The following PLEKHA7 variants were observed in gnomAD, a reference collection of about 807,000 sequenced individuals.
The protein encoded by PLEKHA7 is pleckstrin homology domain-containing family A member 7.
PLEKHA7 carries 104 observed loss-of-function variants against 170.0 expected under a neutral mutation model. The observed-to-expected ratio is 0.61, with a 90% CI of 0.52 to 0.72. The LOEUF is 0.72. Among genes scored for constraint, PLEKHA7 ranks in the 30% least tolerant of loss-of-function variants. The pLI is 0.00. For synonymous variants in PLEKHA7, 648 were observed against 660.8 expected (o/e 0.98, Z 0.30); for missense variants, 1,615 against 1,671.7 (o/e 0.97, Z 0.59).
intron 3 of PLEKHA7, among the ~76,000 whole-genome samples, chr11:16,876,519 G>A (rs977773025): frequency 6.6e-6 from 1 of 152,346 alleles, no homozygotes; most frequent in East Asian, 1.9e-4. Context: ...TGGCAGGGAA[G>A]GATGATTCCC....
intron 23 of PLEKHA7, chr11:16,786,622 G>A: frequency 1.0e-6 from 1 of 985,358 alleles, no homozygotes; most frequent in South Asian, 4.7e-5. Flanking sequence ...TGGGGCACAG[G>A]TCTAAGACTC....
chr11:16,900,849 TA>T (rs1264131672), intron 3 of PLEKHA7, among the ~76,000 whole-genome samples: 1 of 151,774 alleles, frequency 6.6e-6, no homozygotes, highest in African/African-American at 2.4e-5. Flanking sequence ...CATGATTTTT[TA>T]TTTTTTTTTT....
chr11:16,908,757 A>G (rs1858041616), intron 3 of PLEKHA7, among the ~76,000 whole-genome samples: 1 of 152,186 alleles, frequency 6.6e-6, no homozygotes, highest in African/African-American at 2.4e-5. Context: ...CAGCCTCCCG[A>G]AGTGCTGGGA....
intron 4 of PLEKHA7, among the ~76,000 whole-genome samples, chr11:16,862,633 A>G (rs142223419): frequency 6.6e-6 from 1 of 152,324 alleles, no homozygotes; most frequent in African/African-American, 2.4e-5. Flanking sequence ...AGAGCCAAAG[A>G]CAGAGCCAAA....
intron 3 of PLEKHA7, among the ~76,000 whole-genome samples, chr11:16,967,738 A>G (rs940652444): frequency 1.3e-5 from 2 of 152,158 alleles, no homozygotes; most frequent in African/African-American, 4.8e-5. Context: ...ACAGGCCAGG[A>G]GCCCAGAATG....
At chr11:16,823,275 G>A (rs1002065907) in intron 10 of PLEKHA7, among the ~76,000 whole-genome samples, 5 of 152,012 alleles carry the variant, frequency 3.3e-5, no homozygotes, top group African/African-American at 9.7e-5. Context: ...CAAAGTGCTG[G>A]GATTATAGGT....
chr11:16,840,304 T>C lies in PLEKHA7; in HGVS notation c.872+1243A>G, dbSNP rs577594096. ...GGCCGGGCGTGGTGGCTCATGCCTG[T>C]AATCCCGGCACTTTGGGAGACCAAG... On this transcript the variant is annotated intron_variant, in intron 9 of 26. Coordinates refer to ENST00000531066, the MANE Select transcript of PLEKHA7 (RefSeq NM_001329630.2). Among the ~76,000 whole-genome samples, 18 of 152,302 alleles carry C rather than the reference T, an allele frequency of 1.2e-4. No homozygotes were observed. The South Asian group carries it at 2.9e-3, about 25-fold the overall frequency.
At chr11:16,861,543 G>A (rs1853953436) in intron 4 of PLEKHA7, among the ~76,000 whole-genome samples, 1 of 152,010 alleles carries the variant, frequency 6.6e-6, no homozygotes, top group Non-Finnish European at 1.5e-5. Flanking sequence ...CACCTACTAG[G>A]GAGGCTGAGG....
At chr11:17,011,384 G>A (rs1865316282) in intron 3 of PLEKHA7, among the ~76,000 whole-genome samples, 1 of 152,010 alleles carries the variant, frequency 6.6e-6, no homozygotes, top group African/African-American at 2.4e-5. Flanking sequence ...CAAACATGCT[G>A]TACAATCTCC....
chr11:16,837,031 C>T (rs1357759626), intron 9 of PLEKHA7, among the ~76,000 whole-genome samples: 1 of 152,080 alleles, frequency 6.6e-6, no homozygotes, highest in Non-Finnish European at 1.5e-5. Context: ...ACCACGTTGG[C>T]CAGGCTGGTC....
Position 16,902,306 on chromosome 11 carries a change from G to A in PLEKHA7, c.222-31124C>T, listed in dbSNP as rs138815482. Among the ~76,000 whole-genome samples the A allele has an allele frequency of 3.0e-3, 452 of 152,276 alleles. 1 individual carries two copies. The highest frequency in any genetic ancestry group is 6.8e-3 in the Middle Eastern group (2 of 294). ...TATGAATCATGTAGCTATGAATTGCGTACAAGTTTTTGTGTAGGTGGACAT... is the reference window on the plus strand; with the variant it reads ...TATGAATCATGTAGCTATGAATTGCATACAAGTTTTTGTGTAGGTGGACAT... On this transcript the variant is annotated intron_variant, in intron 3 of 26. Transcript: ENST00000531066.
chr11:16,906,042 C>A (rs934810590), intron 3 of PLEKHA7, among the ~76,000 whole-genome samples: 1 of 152,156 alleles, frequency 6.6e-6, no homozygotes, highest in Non-Finnish European at 1.5e-5. Context: ...ACAGCCTAAC[C>A]AGCTGTCACA....
At position 16,789,937 on chromosome 11, in the gene PLEKHA7, C is replaced by T; in HGVS notation, c.3053-59G>A. The T allele has an allele frequency of 7.1e-7, 1 of 1,413,040 alleles. No homozygotes were observed. 87.5% of individuals were successfully genotyped at this position (1,413,040 alleles called of 1,614,324 possible). A position where few individuals can be genotyped will look rare whatever the true frequency, so the allele number is the denominator to read the frequency against. ...TGCTGGGGTGGATGGGTCCCTGCTT[C>T]TCCCTCATCACACATTCTTGCAGGA... On this transcript the variant is annotated intron_variant, in intron 21 of 26. Coordinates refer to ENST00000531066, the MANE Select transcript of PLEKHA7 (RefSeq NM_001329630.2). The surrounding 1 kb of genome is among the most constrained non-coding windows in gnomAD (Gnocchi z 4.6).
intron 3 of PLEKHA7, among the ~76,000 whole-genome samples, chr11:16,996,566 G>GTT (rs1325806082): frequency 1.3e-5 from 2 of 152,182 alleles, no homozygotes; most frequent in African/African-American, 4.8e-5. Flanking sequence ...TAACCTGCAG[G>GTT]AAGGAAGTCA....
chr11:16,797,674 A>T (rs1848327487), intron 17 of PLEKHA7, among the ~76,000 whole-genome samples: 1 of 152,202 alleles, frequency 6.6e-6, no homozygotes. Flanking sequence ...AAGCATGAGC[A>T]TCCTAAAACA....
At chr11:16,893,671 T>C (rs1304439154) in intron 3 of PLEKHA7, among the ~76,000 whole-genome samples, 1 of 152,174 alleles carries the variant, frequency 6.6e-6, no homozygotes, top group Non-Finnish European at 1.5e-5. Context: ...AAGTCTGCTG[T>C]ATGAGCTCAT....
chr11:16,972,480 C>T (rs1385523489), intron 3 of PLEKHA7, among the ~76,000 whole-genome samples: 2 of 151,970 alleles, frequency 1.3e-5, no homozygotes, highest in African/African-American at 4.8e-5. Flanking sequence ...GGTGTAATCA[C>T]AGCTCACTGC....
At chr11:16,984,446 T>C (rs1375927254) in intron 3 of PLEKHA7, among the ~76,000 whole-genome samples, 2 of 152,126 alleles carry the variant, frequency 1.3e-5, no homozygotes, top group Non-Finnish European at 2.9e-5. Flanking sequence ...AAAGCTCAAG[T>C]CAAGGGCCTG....
At position 16,802,967 on chromosome 11, in the gene PLEKHA7, C is replaced by T. The variant is rs771179573; in HGVS notation, c.2157+5G>A. ...ATTCCAAGATTATTCAAAACTGACA[C>T]GTACTTTGTTCTCTTTAAGGGCTCG... On this transcript the variant is annotated splice_donor_5th_base_variant and intron_variant, in intron 15 of 26. Coordinates refer to ENST00000531066, the MANE Select transcript of PLEKHA7 (RefSeq NM_001329630.2). 2.2e-5 allele frequency: 36 copies of T among 1,610,038 alleles called. No individual in the cohort carries two copies. Among genetic ancestry groups the T allele is most frequent in the Admixed American group, 2.0e-4 (12 of 59,992 alleles).
Sources: allele counts gnomAD v4.1 joint callset (sites outside exome capture counted in the v4.1 genomes callset), GRCh38; gene constraint gnomAD v4.1.1; non-coding constraint Gnocchi (gnomAD v3.1); transcripts MANE v1.5; gene names NCBI Gene and HGNC (gene_info 2026-07-23, HGNC 2026-07-21).